MCUB: variants seen among roughly 807,000 people sequenced by gnomAD.
MCUB encodes the protein mitochondrial calcium uniporter dominant negative subunit beta, also known as calcium uniporter regulatory subunit MCUb, mitochondrial.
Under a neutral mutation model 41.4 loss-of-function variants are expected in MCUB, and 46 were observed. The ratio of observed to expected loss-of-function variants is 1.11; its 90% confidence interval spans 0.88 to 1.42. The LOEUF (loss-of-function observed/expected upper bound fraction) is 1.42, where lower values mean the gene tolerates loss of function less well. Ranked by LOEUF, MCUB falls within the 40% of genes most tolerant of loss-of-function variation. The pLI, the probability that MCUB is intolerant of heterozygous loss-of-function variation, is 0.00. For missense variants in MCUB, 403 were observed against 404.9 expected, an observed-to-expected ratio of 1.00 and a Z score of 0.04; for synonymous variants, 148 against 148.2, an observed-to-expected ratio of 1.00 and a Z score of 0.01.
chr4:109,589,040 A>C lies in MCUB; in HGVS notation c.99+28604A>C, dbSNP rs185138667. Among the ~76,000 whole-genome samples, 4 of 152,348 alleles carry C rather than the reference A, an allele frequency of 2.6e-5. No individual in the cohort carries two copies. The East Asian group carries it at 7.7e-4, about 29-fold the overall frequency. ...AGTCATTAAGGTAACCATAATTAAC[A>C]CAGGGCAGCATTGAATATATTGTGC... is the stretch of plus-strand genomic sequence containing the variant. On this transcript the variant is annotated intron_variant, in intron 1 of 7. Coordinates refer to ENST00000394650, the MANE Select transcript of MCUB (RefSeq NM_017918.5).
chr4:109,584,413 T>C (rs1191334815), intron 1 of MCUB, among the ~76,000 whole-genome samples: 1 of 152,192 alleles, frequency 6.6e-6, no homozygotes, highest in Non-Finnish European at 1.5e-5. Context: ...CCTGGATTCA[T>C]TGATTTTTTT....
chr4:109,656,230 T>C (rs530793577), intron 1 of MCUB, among the ~76,000 whole-genome samples: 1 of 152,132 alleles, frequency 6.6e-6, no homozygotes, highest in South Asian at 2.1e-4. Flanking sequence ...GCATAGAATT[T>C]GGTAGGTAAC....
intron 1 of MCUB, 36 bp downstream of exon 1, chr4:109,560,472 A>G: frequency 9.7e-7 from 1 of 1,025,744 alleles, no homozygotes; most frequent in Non-Finnish European, 1.3e-6. Context: ...GGTTCGGGGT[A>G]GGCTGGTGCA....
At chr4:109,680,355 G>A (rs1729688752) in intron 4 of MCUB, among the ~76,000 whole-genome samples, 1 of 152,074 alleles carries the variant, frequency 6.6e-6, no homozygotes, top group Non-Finnish European at 1.5e-5. Context: ...CCCTGACTCT[G>A]TTCAAGCCCC....
At chr4:109,686,895 A>G (rs1272797191) in intron 7 of MCUB, among the ~76,000 whole-genome samples, 1 of 152,120 alleles carries the variant, frequency 6.6e-6, no homozygotes. Flanking sequence ...AAAAATTTAA[A>G]TATAACACCT....
intron 1 of MCUB, among the ~76,000 whole-genome samples, chr4:109,590,505 A>T (rs1321060931): frequency 6.6e-6 from 1 of 152,220 alleles, no homozygotes; most frequent in Non-Finnish European, 1.5e-5. Flanking sequence ...AGTTTTTAAA[A>T]TTTAGTTTTT....
intron 1 of MCUB, among the ~76,000 whole-genome samples, chr4:109,560,691 C>T (rs1022982552): frequency 3.3e-5 from 5 of 152,066 alleles, no homozygotes; most frequent in African/African-American, 1.2e-4. Flanking sequence ...GTGCCTCACC[C>T]GGGCCGAGAT....
rs368074900 is a variant in MCUB at position 109,679,332 on chromosome 4, C to T, written c.452-3250C>T. On this transcript the variant is annotated intron_variant, in intron 4 of 7. Coordinates refer to ENST00000394650, the MANE Select transcript of MCUB (RefSeq NM_017918.5). ...TGGAGGTTGTAGTGAGCCGAGATCA[C>T]GCCACTGCACTCCAGCCTGGGCAAC... 9.2e-5 allele frequency among the ~76,000 whole-genome samples: 14 copies of T among 152,270 alleles called. No homozygotes were observed. The East Asian group carries it at 2.1e-3, about 23-fold the overall frequency.
At chr4:109,573,401 G>A (rs547905970) in intron 1 of MCUB, among the ~76,000 whole-genome samples, 10 of 151,548 alleles carry the variant, frequency 6.6e-5, no homozygotes, top group East Asian at 3.9e-4. Flanking sequence ...TGCAATGAGC[G>A]GAGATCGCGC....
chr4:109,656,222 A>G (rs1015076817), intron 1 of MCUB, among the ~76,000 whole-genome samples: 1 of 152,008 alleles, frequency 6.6e-6, no homozygotes, highest in African/African-American at 2.4e-5. Context: ...GGACTCTAGC[A>G]TAGAATTTGG....
intron 4 of MCUB, among the ~76,000 whole-genome samples, chr4:109,680,801 T>C (rs1164087738): frequency 6.6e-6 from 1 of 152,204 alleles, no homozygotes; most frequent in Non-Finnish European, 1.5e-5. Context: ...TGCAGTTGTT[T>C]GCTGCTGCCT....
At chr4:109,572,666 G>C (rs1451039446) in intron 1 of MCUB, among the ~76,000 whole-genome samples, 1 of 148,076 alleles carries the variant, frequency 6.8e-6, no homozygotes, top group Non-Finnish European at 1.5e-5. Context: ...TTCATATAAT[G>C]AAGTCATGTT....
At position 109,584,446 on chromosome 4, in the gene MCUB, G is replaced by A. The variant is rs551262411; in HGVS notation, c.99+24010G>A. Among the ~76,000 whole-genome samples, 894 of 151,928 alleles carry A rather than the reference G, an allele frequency of 5.9e-3. 8 individuals carry two copies. The highest frequency in any genetic ancestry group is 0.021 in the African/African-American group (867 of 41,468). On this transcript the variant is annotated intron_variant, in intron 1 of 7. Transcript: ENST00000394650. ...TTTCTGAAGGGTTTTTTGTGTCTCTGTCTCCTTCAGTTCTGCTCTGATCTT... is the reference window on the plus strand; with the variant it reads ...TTTCTGAAGGGTTTTTTGTGTCTCTATCTCCTTCAGTTCTGCTCTGATCTT...
intron 1 of MCUB, among the ~76,000 whole-genome samples, chr4:109,595,259 CAGAA>C (rs1727527563): frequency 1.3e-5 from 2 of 152,132 alleles, no homozygotes; most frequent in Non-Finnish European, 2.9e-5. Context: ...TACATGTTTG[CAGAA>C]AGAAAGTGGG....
At chr4:109,632,431 T>C (rs1728493499) in intron 1 of MCUB, among the ~76,000 whole-genome samples, 1 of 152,124 alleles carries the variant, frequency 6.6e-6, no homozygotes. Flanking sequence ...CTCTCTAAAA[T>C]TTAGTGGTTT....
chr4:109,638,795 C>T (rs1180616592), intron 1 of MCUB, among the ~76,000 whole-genome samples: 3 of 152,230 alleles, frequency 2.0e-5, no homozygotes, highest in South Asian at 2.1e-4. Flanking sequence ...GTGAAATTCA[C>T]AGCATCTTCA....
rs562273149 is a variant in MCUB, at chr4:109,581,974, T to A, written c.99+21538T>A. Reference sequence around the variant, plus strand: ...ACCATCGTGGAAGTCAGTGTGGCGATTCCTCAGGGATCTAGAACTAGAAAT... The same window carrying A: ...ACCATCGTGGAAGTCAGTGTGGCGAATCCTCAGGGATCTAGAACTAGAAAT... On this transcript the variant is annotated intron_variant, in intron 1 of 7. Transcript: ENST00000394650. 2.5e-3 allele frequency among the ~76,000 whole-genome samples: 385 copies of A among 152,250 alleles called. 2 individuals are homozygous for A. The highest frequency in any genetic ancestry group is 8.6e-3 in the African/African-American group (359 of 41,546).
At chr4:109,648,946 T>A (rs1728899734) in intron 1 of MCUB, among the ~76,000 whole-genome samples, 1 of 151,476 alleles carries the variant, frequency 6.6e-6, no homozygotes, top group African/African-American at 2.4e-5. Context: ...TACGCTATAT[T>A]AAGTGACACG....
At chr4:109,658,941 A>G in intron 1 of MCUB, 70 bp from the exon 2 acceptor site, 1 of 874,486 alleles carries the variant, frequency 1.1e-6, no homozygotes, top group South Asian at 1.4e-5. Flanking sequence ...TCTTATGGTA[A>G]AATAAAGACA....
Sources: allele counts gnomAD v4.1 joint callset (sites outside exome capture counted in the v4.1 genomes callset), GRCh38; gene constraint gnomAD v4.1.1; transcripts MANE v1.5; gene names NCBI Gene and HGNC (gene_info 2026-07-23, HGNC 2026-07-21).